PCDH9: variants seen among roughly 807,000 people sequenced by gnomAD.
PCDH9 encodes the protein protocadherin 9, also known as protocadherin-9.
Under a neutral mutation model 70.6 loss-of-function variants are expected in PCDH9, and 24 were observed. The observed-to-expected ratio is 0.34, with a 90% CI of 0.25 to 0.48. The LOEUF (loss-of-function observed/expected upper bound fraction) is 0.48, where lower values mean the gene tolerates loss of function less well. Ranked by LOEUF, PCDH9 falls within the 20% of genes least tolerant of loss-of-function variation. PCDH9 has a pLI of 0.99. For missense variants in PCDH9, 1,281 were observed against 1,503.6 expected (o/e 0.85, Z 2.45); for synonymous variants, 562 against 558.5 (o/e 1.01, Z -0.09).
chr13:66,913,581 A>G (rs1244194485), intron 2 of PCDH9, among the ~76,000 whole-genome samples: 2 of 151,982 alleles, frequency 1.3e-5, no homozygotes, highest in African/African-American at 4.8e-5. Context: ...CCTTCTCCGT[A>G]CTGTGTAAGT....
At chr13:66,576,509 A>G (rs1464464258) in intron 4 of PCDH9, among the ~76,000 whole-genome samples, 1 of 152,100 alleles carries the variant, frequency 6.6e-6, no homozygotes, top group Non-Finnish European at 1.5e-5. Context: ...ATAAGAAACT[A>G]CTAATGAGAC....
chr13:66,851,819 G>T (rs1047982362), intron 3 of PCDH9, among the ~76,000 whole-genome samples: 4 of 152,152 alleles, frequency 2.6e-5, no homozygotes, highest in Non-Finnish European at 5.9e-5. Context: ...ACAAAATACT[G>T]TGGACTAGGT....
chr13:67,190,061 C>T (rs1287032670), intron 2 of PCDH9, among the ~76,000 whole-genome samples: 1 of 152,000 alleles, frequency 6.6e-6, no homozygotes, highest in Admixed American at 6.6e-5. Context: ...TTGCCAGTCT[C>T]ATTTTGTAAG....
chr13:66,750,368 G>C (rs1052025268), intron 3 of PCDH9, among the ~76,000 whole-genome samples: 1 of 151,838 alleles, frequency 6.6e-6, no homozygotes, highest in African/African-American at 2.4e-5. Flanking sequence ...AGAATGAGAA[G>C]TTTTCTCATT....
At position 66,691,455 on chromosome 13, in the gene PCDH9, G is replaced by A. The variant is rs1455407761; in HGVS notation, c.3139-60044C>T. Among the ~76,000 whole-genome samples, 4 of 152,074 alleles carry A rather than the reference G, an allele frequency of 2.6e-5. No homozygotes were observed. In the South Asian group the frequency reaches 6.2e-4, roughly 24 times the overall value. Reference sequence around the variant, plus strand: ...AAAGTATGCTAATAAACAACATCTAGTCCAATGTATTGTCAAAATATCTAC... The same window carrying A: ...AAAGTATGCTAATAAACAACATCTAATCCAATGTATTGTCAAAATATCTAC... On this transcript the variant is annotated intron_variant, in intron 3 of 4. Coordinates refer to ENST00000377865, the MANE Select transcript of PCDH9 (RefSeq NM_203487.3).
Position 66,963,401 on chromosome 13 carries a change from T to G in PCDH9, c.3037-59796A>C, listed in dbSNP as rs192895478. Among the ~76,000 whole-genome samples the G allele has an allele frequency of 1.9e-3, 294 of 152,334 alleles. 1 individual carries two copies. Among genetic ancestry groups the G allele is most frequent in the Non-Finnish European group, 3.3e-3 (225 of 68,032 alleles). On this transcript the variant is annotated intron_variant, in intron 2 of 4. Coordinates refer to ENST00000377865, the MANE Select transcript of PCDH9 (RefSeq NM_203487.3). ...AAATTCCCAAATTACACCTTGGCTC[T>G]TAAGTACAATCTCATTTCCAGCATT...
At chr13:66,411,275 GA>G (rs1214134016) in intron 4 of PCDH9, among the ~76,000 whole-genome samples, 2 of 152,128 alleles carry the variant, frequency 1.3e-5, no homozygotes, top group African/African-American at 4.8e-5. Flanking sequence ...AAATGTTATA[GA>G]AAATTTTCTG....
intron 4 of PCDH9, among the ~76,000 whole-genome samples, chr13:66,457,720 T>G (rs1007466868): frequency 4.6e-5 from 7 of 152,058 alleles, no homozygotes; most frequent in Non-Finnish European, 1.0e-4. Flanking sequence ...CACTGAGTTA[T>G]GTTGGGTCAT....
chr13:66,864,470 T>A (rs1379469559), intron 3 of PCDH9, among the ~76,000 whole-genome samples: 1 of 152,202 alleles, frequency 6.6e-6, no homozygotes. Flanking sequence ...GGTTGTGTTA[T>A]CCTTTAAGTT....
At chr13:66,518,125 C>T (rs557566728) in intron 4 of PCDH9, among the ~76,000 whole-genome samples, 3 of 152,224 alleles carry the variant, frequency 2.0e-5, no homozygotes, top group Non-Finnish European at 2.9e-5. Context: ...GGAGCTTTTA[C>T]TCATGGCAGA....
chr13:66,352,407 C>A (rs1395974048), intron 4 of PCDH9, among the ~76,000 whole-genome samples: 2 of 152,098 alleles, frequency 1.3e-5, no homozygotes, highest in Admixed American at 1.3e-4. Context: ...GTGGCTTAAA[C>A]AACAGAAATA....
At chr13:66,644,997 C>A (rs2077753140) in intron 3 of PCDH9, among the ~76,000 whole-genome samples, 1 of 152,100 alleles carries the variant, frequency 6.6e-6, no homozygotes, top group South Asian at 2.1e-4. Flanking sequence ...ATTAAGAAAT[C>A]ACCTTTCCTG....
chr13:66,719,621 A>T (rs1426722962), intron 3 of PCDH9, among the ~76,000 whole-genome samples: 1 of 152,206 alleles, frequency 6.6e-6, no homozygotes, highest in African/African-American at 2.4e-5. Flanking sequence ...GTATTTTGTT[A>T]TAGTAGCCTG....
chr13:67,079,253 T>C (rs1177079221), intron 2 of PCDH9, among the ~76,000 whole-genome samples: 1 of 152,056 alleles, frequency 6.6e-6, no homozygotes, highest in East Asian at 1.9e-4. Context: ...TTTCAGCACA[T>C]AAAAAAGAAA....
intron 2 of PCDH9, among the ~76,000 whole-genome samples, chr13:67,154,613 C>T (rs760895743): frequency 0.085 from 9,713 of 114,088 alleles, 1,312 homozygotes; most frequent in Non-Finnish European, 0.13. Flanking sequence ...TATACACACA[C>T]ACACACACAC....
At chr13:66,599,679 G>A (rs2077143148) in intron 4 of PCDH9, among the ~76,000 whole-genome samples, 1 of 151,576 alleles carries the variant, frequency 6.6e-6, no homozygotes, top group South Asian at 2.1e-4. Context: ...TTAGTACAGT[G>A]TATCCATACT....
intron 2 of PCDH9, among the ~76,000 whole-genome samples, chr13:67,095,994 T>C (rs1452331460): frequency 6.6e-6 from 1 of 152,216 alleles, no homozygotes; most frequent in African/African-American, 2.4e-5. Context: ...TGTAAAATTA[T>C]ACACATTATA....
chr13:66,315,513 G>A (rs190637497), intron 4 of PCDH9, among the ~76,000 whole-genome samples: 170 of 151,568 alleles, frequency 1.1e-3, no homozygotes, highest in Non-Finnish European at 1.3e-3. Flanking sequence ...ATGGAGTTTC[G>A]CTCTGCCACT....
At chr13:66,447,693 A>G (rs886873415) in intron 4 of PCDH9, among the ~76,000 whole-genome samples, 4 of 152,190 alleles carry the variant, frequency 2.6e-5, no homozygotes. Flanking sequence ...GATAAAGCTA[A>G]TCTGTTTATT....
Sources: gnomAD v4.1 joint callset for allele counts (sites outside exome capture counted in the v4.1 genomes callset) on GRCh38, gnomAD v4.1.1 for gene constraint, MANE v1.5 for transcripts, NCBI Gene and HGNC (gene_info 2026-07-23, HGNC 2026-07-21) for gene names.